The following CELF4 variants were observed in gnomAD, a reference collection of about 807,000 sequenced individuals.
CELF4 encodes CUG-BP- and ETR-3-like factor 4.
A neutral mutation model predicts 59.9 loss-of-function variants in CELF4; 18 were observed. That is an observed-to-expected ratio of 0.30 (90% confidence interval 0.21 to 0.45). CELF4 has a LOEUF of 0.45. Ranked by LOEUF, CELF4 falls within the 20% of genes least tolerant of loss-of-function variation. The pLI, the probability that CELF4 is intolerant of heterozygous loss-of-function variation, is 1.00. For synonymous variants in CELF4, 261 were observed against 267.1 expected, an observed-to-expected ratio of 0.98 and a Z score of 0.22; for missense variants, 456 against 689.0, an observed-to-expected ratio of 0.66 and a Z score of 3.79.
At chr18:37,466,286 C>T (rs548441312) in intron 2 of CELF4, among the ~76,000 whole-genome samples, 1 of 152,324 alleles carries the variant, frequency 6.6e-6, no homozygotes, top group Non-Finnish European at 1.5e-5. Flanking sequence ...AAACACCCAT[C>T]ACATTAATAA....
At chr18:37,493,377 C>T (rs1239012962) in intron 1 of CELF4, among the ~76,000 whole-genome samples, 1 of 152,240 alleles carries the variant, frequency 6.6e-6, no homozygotes, top group African/African-American at 2.4e-5. Flanking sequence ...CTTTGCCTTG[C>T]ATTTGTGTGT....
intron 3 of CELF4, among the ~76,000 whole-genome samples, chr18:37,291,520 T>G (rs1288427372): frequency 6.6e-6 from 1 of 152,136 alleles, no homozygotes; most frequent in East Asian, 1.9e-4. Context: ...GAGGCTTGCA[T>G]TTGGTTTCCC....
intron 9 of CELF4, chr18:37,266,198 T>G (rs2077449626): frequency 2.1e-6 from 1 of 466,496 alleles, no homozygotes; most frequent in East Asian, 4.2e-5. Flanking sequence ...GGTGCTGGTG[T>G]CAGACCTGGT....
At chr18:37,426,134 C>T (rs759768107) in intron 2 of CELF4, among the ~76,000 whole-genome samples, 10 of 152,208 alleles carry the variant, frequency 6.6e-5, no homozygotes, top group Non-Finnish European at 1.3e-4. Flanking sequence ...CCACAGGTTC[C>T]AGCTGGACCT....
chr18:37,502,159 G>GC (rs138382056), intron 1 of CELF4, among the ~76,000 whole-genome samples: 1,562 of 152,248 alleles, frequency 0.01, 26 homozygotes, highest in African/African-American at 0.035. Flanking sequence ...ATTTGATGTA[G>GC]CCCTCTGGAC....
intron 2 of CELF4, among the ~76,000 whole-genome samples, chr18:37,381,635 C>T (rs866056178): frequency 1.3e-5 from 2 of 152,162 alleles, no homozygotes; most frequent in African/African-American, 4.8e-5. Context: ...CCTCATCTTT[C>T]CCACTACCCA....
rs1047108976 is a variant in CELF4, at chr18:37,265,502, G to A, written c.1166-745C>T. 3.3e-5 allele frequency among the ~76,000 whole-genome samples: 5 copies of A among 152,172 alleles called. No homozygotes were observed. The South Asian group carries it at 6.2e-4, about 19-fold the overall frequency. ...GGCAGGCCCTCACTCCCACTCAAAC[G>A]GCACCTGTGTGGGAGGTGGGGGCCA... On this transcript the variant is annotated intron_variant, in intron 9 of 12. Coordinates refer to ENST00000420428, the MANE Select transcript of CELF4 (RefSeq NM_020180.4).
rs2099982649 is a variant in CELF4 at position 37,550,037 on chromosome 18, C to T, written c.286+15319G>A. Among the ~76,000 whole-genome samples, 5 of 122,376 alleles carry T rather than the reference C, an allele frequency of 4.1e-5. 1 individual carries two copies. In the Admixed American group the frequency reaches 6.0e-4, roughly 15 times the overall value. The allele number at this position is 122,376 out of a possible 152,430, so 80.3% of individuals were successfully genotyped here. The stretch of plus-strand genomic sequence containing the variant: ...GCTGGGAGGAAGAAAACTAAAAATA[C>T]TAATGGGGAAGATATCTCCATCAAC... On this transcript the variant is annotated intron_variant, in intron 1 of 12. Coordinates refer to ENST00000420428, the MANE Select transcript of CELF4 (RefSeq NM_020180.4).
intron 1 of CELF4, among the ~76,000 whole-genome samples, chr18:37,512,141 AG>A (rs1235120591): frequency 2.0e-5 from 3 of 152,276 alleles, no homozygotes; most frequent in South Asian, 2.1e-4. Flanking sequence ...GTTGGGGGGC[AG>A]GGGGCGAGAG....
intron 2 of CELF4, among the ~76,000 whole-genome samples, chr18:37,439,604 G>A (rs1400971041): frequency 6.6e-6 from 1 of 152,114 alleles, no homozygotes; most frequent in Admixed American, 6.5e-5. Context: ...CTAGGACCAT[G>A]TTGGAGCCCT....
At chr18:37,527,030 T>G (rs925690757) in intron 1 of CELF4, among the ~76,000 whole-genome samples, 6 of 152,242 alleles carry the variant, frequency 3.9e-5, no homozygotes, top group African/African-American at 1.4e-4. Flanking sequence ...TAATGCCATT[T>G]ATTTACGTAA....
intron 2 of CELF4, among the ~76,000 whole-genome samples, chr18:37,329,918 C>T (rs2097476830): frequency 6.6e-6 from 1 of 152,194 alleles, no homozygotes; most frequent in Non-Finnish European, 1.5e-5. Flanking sequence ...ATCTGCCCCA[C>T]CAGACATCAG....
chr18:37,565,155 C>G (rs1800462899), intron 1 of CELF4, among the ~76,000 whole-genome samples: 1 of 152,140 alleles, frequency 6.6e-6, no homozygotes, highest in Non-Finnish European at 1.5e-5. Context: ...ATCAGCACCT[C>G]GCCCAAAACC....
At chr18:37,440,693 C>T (rs894604297) in intron 2 of CELF4, among the ~76,000 whole-genome samples, 1 of 152,090 alleles carries the variant, frequency 6.6e-6, no homozygotes, top group Non-Finnish European at 1.5e-5. Context: ...AATGAGTGGC[C>T]TGGAGGGGAG....
intron 2 of CELF4, among the ~76,000 whole-genome samples, chr18:37,414,187 CATTCATCTATCTATCTATCT>C (rs2099501713): frequency 6.9e-6 from 1 of 145,984 alleles, no homozygotes; most frequent in Admixed American, 7.0e-5. Context: ...TTTTTCCATT[CATTCATCTATCTATCTATCT>C]ATCTATCTAT....
chr18:37,472,961 G>A (rs1352129212), intron 2 of CELF4, among the ~76,000 whole-genome samples: 1 of 152,106 alleles, frequency 6.6e-6, no homozygotes, highest in Admixed American at 6.5e-5. Context: ...AACTGATTTG[G>A]TCCAATGTTG....
At chr18:37,358,598 C>T (rs1365850853) in intron 2 of CELF4, among the ~76,000 whole-genome samples, 1 of 152,194 alleles carries the variant, frequency 6.6e-6, no homozygotes. Flanking sequence ...GCCACCCTGA[C>T]CTGTTTGTGT....
intron 2 of CELF4, among the ~76,000 whole-genome samples, chr18:37,460,085 C>A (rs1023695177): frequency 6.6e-6 from 1 of 152,098 alleles, no homozygotes; most frequent in African/African-American, 2.4e-5. Flanking sequence ...AGGAATAGAC[C>A]CAATATCACT....
At chr18:37,498,747 G>C (rs2099928095) in intron 1 of CELF4, among the ~76,000 whole-genome samples, 1 of 152,062 alleles carries the variant, frequency 6.6e-6, no homozygotes, top group African/African-American at 2.4e-5. Context: ...CCATCCGCAG[G>C]GTGTCTGGAG....
Sources: allele counts gnomAD v4.1 joint callset (sites outside exome capture counted in the v4.1 genomes callset), GRCh38; gene constraint gnomAD v4.1.1; transcripts MANE v1.5; gene names NCBI Gene and HGNC (gene_info 2026-07-23, HGNC 2026-07-21).